Variants in GPSM1 observed in about 807,000 individuals in gnomAD.
GPSM1 encodes the protein G protein-signaling modulator 1.
GPSM1 carries 48 observed loss-of-function variants against 70.5 expected under a neutral mutation model. That is an observed-to-expected ratio of 0.68 (90% CI 0.54 to 0.87). The LOEUF is 0.87. Among genes scored for constraint, GPSM1 ranks in the 40% least tolerant of loss-of-function variants. The pLI, the probability that GPSM1 is intolerant of heterozygous loss-of-function variation, is 0.00. For missense variants in GPSM1, 981 were observed against 972.6 expected, an observed-to-expected ratio of 1.01 and a Z score of -0.11; for synonymous variants, 416 against 430.1, an observed-to-expected ratio of 0.97 and a Z score of 0.41.
chr9:136,355,935 T>G (rs1426128527), intron 12 of GPSM1, 89 bp downstream of exon 12: 2 of 1,137,804 alleles, frequency 1.8e-6, no homozygotes, highest in African/African-American at 3.1e-5. Flanking sequence ...TGAGGAGTTT[T>G]CGGGGGCAGA....
rs985217227 is a variant in GPSM1, at chr9:136,359,435, C to A, written c.*1215C>A. On this transcript the variant is annotated 3_prime_UTR_variant, in exon 14 of 14. Transcript: ENST00000440944. ...GCAGGGCCGCACCCGAGAGCAGGGA[C>A]AGGTGCCCGAACACAGGGTCTCCAG... 6.6e-6 allele frequency: 1 copy of A among 152,274 alleles called. No homozygotes were observed. Among genetic ancestry groups the A allele is most frequent in the African/African-American group, 2.4e-5 (1 of 41,440 alleles). The allele number at this position is 152,274 out of a possible 1,614,324, so 9.4% of individuals were successfully genotyped here. A position where few individuals can be genotyped will look rare whatever the true frequency, so the allele number is the denominator to read the frequency against.
In GPSM1 at chr9:136,356,565, T is replaced by TGGGC. The variant is rs782048601; in HGVS notation, c.1821+21_1821+24dup. The TGGGC allele has an allele frequency of 1.9e-6, 3 of 1,584,158 alleles. No homozygotes were observed. The highest frequency in any genetic ancestry group is 2.6e-6 in the Non-Finnish European group (3 of 1,158,160). On this transcript the variant is annotated intron_variant, in intron 13 of 13. Transcript: ENST00000440944. ...TCAAGTACCAGGTGGGCTGCGGCCC[T>TGGGC]GGGCGGGCGTGGCTCGCGGCCCCTT...
chr9:136,358,281 A>T lies in GPSM1; in HGVS notation c.*61A>T. 7.2e-7 allele frequency: 1 copy of T among 1,386,840 alleles called. No homozygotes were observed. 85.9% of individuals were successfully genotyped at this position (1,386,840 alleles called of 1,614,324 possible). A position where few individuals can be genotyped will look rare whatever the true frequency, so the allele number is the denominator to read the frequency against. ...ACTCCTGGACGCCGGTCTCACAGTC[A>T]CAGCCACGTCCTCCCGAGGCCATTG... On this transcript the variant is annotated 3_prime_UTR_variant, in exon 14 of 14. Coordinates refer to ENST00000440944, the MANE Select transcript of GPSM1 (RefSeq NM_001145638.3).
At position 136,341,769 on chromosome 9, in the gene GPSM1, G is replaced by C. The variant is rs556160926; in HGVS notation, c.1207+776G>C. On this transcript the variant is annotated intron_variant, in intron 9 of 13. Transcript: ENST00000440944. This position sits in a 1 kb window ranked among gnomAD's most constrained non-coding sequence, Gnocchi z 6.7. Reference sequence around the variant, plus strand: ...GACCAGGCTGGGAACACCAGGCTTGGATGTGGTGCTGGGCTGCCGGAGTTT... The same window carrying C: ...GACCAGGCTGGGAACACCAGGCTTGCATGTGGTGCTGGGCTGCCGGAGTTT... 7.3e-4 allele frequency: 721 copies of C among 985,732 alleles called. No individual in the cohort carries two copies. Among genetic ancestry groups the C allele is most frequent in the Non-Finnish European group, 8.2e-4 (684 of 830,228 alleles). The allele number at this position is 985,732 out of a possible 1,614,324, so 61.1% of individuals were successfully genotyped here.
chr9:136,344,198 G>A (rs1373675086), intron 9 of GPSM1, among the ~76,000 whole-genome samples: 4 of 144,310 alleles, frequency 2.8e-5, no homozygotes, highest in East Asian at 2.1e-4. Context: ...GGGGGGAGGC[G>A]CGGACAGGAG....
chr9:136,342,877 GGAGGTGGGGCTTCAGCCCGGCGGGGAC>G lies in GPSM1; in HGVS notation c.1207+1886_1207+1912del, dbSNP rs371226057. Among the ~76,000 whole-genome samples the G allele has an allele frequency of 0.039, 5,941 of 152,096 alleles. 152 individuals carry two copies. The highest frequency in any genetic ancestry group is 0.14 in the East Asian group (701 of 5,136). On this transcript the variant is annotated intron_variant, in intron 9 of 13. Coordinates refer to ENST00000440944, the MANE Select transcript of GPSM1 (RefSeq NM_001145638.3). The surrounding 1 kb of genome is among the most constrained non-coding windows in gnomAD (Gnocchi z 5.5). ...GTGGGCAGGGAGGAGGAAGTCGTCT[GGAGGTGGGGCTTCAGCCCGGCGGGGAC>G]GCGGTGGGGCGTGGCCTTGCTGTTG... is the stretch of plus-strand genomic sequence containing the variant.
intron 1 of GPSM1, among the ~76,000 whole-genome samples, chr9:136,329,926 C>T (rs1287730915): frequency 2.1e-5 from 3 of 140,532 alleles, no homozygotes; most frequent in African/African-American, 8.0e-5. Context: ...TGGGGACGGG[C>T]CCCTGGGTGC....
rs1554768082 is a variant in GPSM1, at chr9:136,327,781, CG to C, written c.68+22del. On this transcript the variant is annotated intron_variant, in intron 1 of 13. Transcript: ENST00000440944. ...TACTCCAGGTAGGACGGGCCGGGGC[CG>C]GGGCCGGGGCCGGGGCTGGGACCGG... is the stretch of plus-strand genomic sequence containing the variant. The C allele has an allele frequency of 3.9e-6, 4 of 1,038,236 alleles. No homozygotes were observed. The highest frequency in any genetic ancestry group is 4.8e-6 in the Non-Finnish European group (4 of 825,580). The allele number at this position is 1,038,236 out of a possible 1,614,324, so 64.3% of individuals were successfully genotyped here. A position where few individuals can be genotyped will look rare whatever the true frequency, so the allele number is the denominator to read the frequency against.
chr9:136,334,763 T>A, intron 2 of GPSM1, 95 bp downstream of exon 2: 1 of 1,011,622 alleles, frequency 9.9e-7, no homozygotes, highest in Non-Finnish European at 1.5e-6. Flanking sequence ...GGGGCGGCCC[T>A]GCTGGCGCGG....
At chr9:136,354,711 C>A in intron 11 of GPSM1, 1 of 600,174 alleles carries the variant, frequency 1.7e-6, no homozygotes, top group Non-Finnish European at 2.1e-6. Flanking sequence ...CCACAGGAGA[C>A]CACGCCCTCC....
rs1284386092 is a variant in GPSM1 at position 136,336,934 on chromosome 9, G to C, written c.440G>C (p.Arg147Thr). Residue 147 changes from arginine (R) to threonine (T), a missense_variant, in exon 4 of 14, where the codon AGG (arginine) becomes ACG (threonine). By Grantham distance (71) the Arg-to-Thr change is moderately conservative. Transcript: ENST00000440944. ...QEQGDKVGEA[R>T]ALYNIGNVYH... ...TACTGCCCACAGGTTGGGGAGGCGA[G>C]GGCCCTCTACAACATCGGGAACGTG... 6.4e-7 allele frequency: 1 copy of C among 1,555,970 alleles called. No homozygotes were observed. Among genetic ancestry groups the C allele is most frequent in the Non-Finnish European group, 8.7e-7 (1 of 1,150,534 alleles).
At chr9:136,346,831 G>A (rs1588701385) in intron 9 of GPSM1, among the ~76,000 whole-genome samples, 2 of 152,328 alleles carry the variant, frequency 1.3e-5, no homozygotes, top group African/African-American at 4.8e-5. Flanking sequence ...GAGGGGCTGT[G>A]TGTGGGGCCC....
intron 11 of GPSM1, among the ~76,000 whole-genome samples, chr9:136,351,978 C>T (rs537456956): frequency 8.5e-5 from 13 of 152,352 alleles, no homozygotes; most frequent in African/African-American, 3.1e-4. Context: ...CCCCCTTCCC[C>T]CTCTGCTGGG....
chr9:136,350,742 C>T (rs77813615), intron 11 of GPSM1, among the ~76,000 whole-genome samples: 5,851 of 152,336 alleles, frequency 0.038, 152 homozygotes, highest in East Asian at 0.14. Context: ...GCAGCAGCAG[C>T]GCAGCCTGGG....
At position 136,340,473 on chromosome 9, in the gene GPSM1, C is replaced by G. The variant is rs1832359741; in HGVS notation, c.1084-397C>G. ...CCACCTCTCTTCTGCTTGACTTAAGCAAACAGTTAGTTCCTGAGTGATGTG... is the reference window on the plus strand; with the variant it reads ...CCACCTCTCTTCTGCTTGACTTAAGGAAACAGTTAGTTCCTGAGTGATGTG... On this transcript the variant is annotated intron_variant, in intron 8 of 13. Coordinates refer to ENST00000440944, the MANE Select transcript of GPSM1 (RefSeq NM_001145638.3). The surrounding 1 kb of genome is among the most constrained non-coding windows in gnomAD (Gnocchi z 7.3). 6.6e-6 allele frequency among the ~76,000 whole-genome samples: 1 copy of G among 151,898 alleles called. No homozygotes were observed. Among genetic ancestry groups the G allele is most frequent in the Non-Finnish European group, 1.5e-5 (1 of 67,986 alleles).
intron 11 of GPSM1, among the ~76,000 whole-genome samples, chr9:136,352,038 G>A (rs1384827831): frequency 6.8e-6 from 1 of 147,778 alleles, no homozygotes; most frequent in African/African-American, 2.5e-5. Context: ...CATCTGCAAA[G>A]TGCAGCTGAT....
intron 1 of GPSM1, among the ~76,000 whole-genome samples, chr9:136,333,709 G>T (rs868942039): frequency 8.5e-5 from 13 of 152,302 alleles, no homozygotes; most frequent in Middle Eastern, 3.4e-3. Context: ...CCACAGCAGC[G>T]CTGGGGGTGG....
At position 136,358,093 on chromosome 9, in the gene GPSM1, T is replaced by G; in HGVS notation, c.1901T>G (p.Phe634Cys). 2 of 1,612,674 alleles carry G rather than the reference T, an allele frequency of 1.2e-6. No individual in the cohort carries two copies. Among genetic ancestry groups the G allele is most frequent in the Non-Finnish European group, 1.7e-6 (2 of 1,179,778 alleles). ...RGPTMPDEDF[F>C]SLIQRVQAKR... ...CCTACCATGCCGGACGAGGACTTCTTCAGCCTCATTCAGAGGGTGCAGGCT... is the reference window on the plus strand; with the variant it reads ...CCTACCATGCCGGACGAGGACTTCTGCAGCCTCATTCAGAGGGTGCAGGCT... Residue 634 changes from phenylalanine to cysteine, a missense_variant, in exon 14 of 14, where the codon TTC becomes TGC. By Grantham distance (205) the Phe-to-Cys change is radical. Transcript: ENST00000440944.
intron 13 of GPSM1, 108 bp downstream of exon 13, chr9:136,356,658 C>T (rs782131122): frequency 1.8e-5 from 14 of 787,804 alleles, no homozygotes; most frequent in Middle Eastern, 3.7e-4. Flanking sequence ...CTGCCATCTC[C>T]GGTCATGTTT....
Sources: gnomAD v4.1 joint callset for allele counts (sites outside exome capture counted in the v4.1 genomes callset) on GRCh38, gnomAD v4.1.1 for gene constraint, Gnocchi (gnomAD v3.1) non-coding constraint, MANE v1.5 for transcripts, NCBI Gene and HGNC (gene_info 2026-07-23, HGNC 2026-07-21) for gene names.